The following FBXW7 variants were observed in gnomAD, a reference collection of about 807,000 sequenced individuals.
FBXW7 encodes F-box and WD repeat domain containing 7, also known as F-box/WD repeat-containing protein 7.
Under a neutral mutation model 86.3 loss-of-function variants are expected in FBXW7, and 11 were observed. That is an observed-to-expected ratio of 0.13 (90% confidence interval 0.08 to 0.21). The LOEUF (loss-of-function observed/expected upper bound fraction) is 0.21. Among genes scored for constraint, FBXW7 ranks in the 10% least tolerant of loss-of-function variants. The pLI, the probability that FBXW7 is intolerant of heterozygous loss-of-function variation, is 1.00. For synonymous variants in FBXW7, 313 were observed against 297.9 expected, an observed-to-expected ratio of 1.05 and a Z score of -0.52; for missense variants, 488 against 847.4, an observed-to-expected ratio of 0.58 and a Z score of 5.27.
At chr4:152,490,987 T>C (rs1361796621) in intron 2 of FBXW7, among the ~76,000 whole-genome samples, 4 of 152,156 alleles carry the variant, frequency 2.6e-5, no homozygotes, top group Admixed American at 2.6e-4. Flanking sequence ...AGAGGTGATT[T>C]AGAATATTCT....
At chr4:152,437,722 G>C (rs1019235731) in intron 2 of FBXW7, among the ~76,000 whole-genome samples, 4 of 152,150 alleles carry the variant, frequency 2.6e-5, no homozygotes, top group African/African-American at 7.2e-5. Context: ...AATCAATGCA[G>C]CAAACTTCAT....
intron 2 of FBXW7, among the ~76,000 whole-genome samples, chr4:152,490,804 C>T (rs891778948): frequency 4.6e-5 from 7 of 152,122 alleles, no homozygotes; most frequent in Non-Finnish European, 8.8e-5. Flanking sequence ...TTTTTTCTAT[C>T]TTTATTACTT....
chr4:152,387,526 C>T (rs1438931073), intron 4 of FBXW7, among the ~76,000 whole-genome samples: 1 of 146,704 alleles, frequency 6.8e-6, no homozygotes, highest in African/African-American at 2.5e-5. Flanking sequence ...ACAATTTAAA[C>T]ACAGAGGAAA....
intron 4 of FBXW7, among the ~76,000 whole-genome samples, chr4:152,391,428 A>G (rs1434706113): frequency 2.0e-5 from 3 of 152,164 alleles, no homozygotes; most frequent in African/African-American, 4.8e-5. Flanking sequence ...GTAAAACACT[A>G]ACTGGCTATC....
At chr4:152,430,025 G>A (rs1172335733) in intron 2 of FBXW7, among the ~76,000 whole-genome samples, 1 of 152,106 alleles carries the variant, frequency 6.6e-6, no homozygotes, top group African/African-American at 2.4e-5. Flanking sequence ...TGTGCAAGAG[G>A]AATAACTTCA....
chr4:152,328,055 C>T (rs1430497924), intron 11 of FBXW7, among the ~76,000 whole-genome samples, 153 bp downstream of exon 11: 1 of 151,846 alleles, frequency 6.6e-6, no homozygotes, highest in Non-Finnish European at 1.5e-5. Context: ...AGACAAAACG[C>T]TATGGCTTTC....
intron 2 of FBXW7, among the ~76,000 whole-genome samples, chr4:152,504,297 C>T (rs6535851): frequency 0.47 from 71,044 of 151,918 alleles, 19,554 homozygotes; most frequent in African/African-American, 0.77. Flanking sequence ...ATAACACAAA[C>T]CAATAAAAAA....
In FBXW7 at chr4:152,352,841, C is replaced by T. The variant is rs36111552; in HGVS notation, c.502-2717G>A. Reference sequence around the variant, plus strand: ...AAGCCTTGACTGAACAGATTCCTCCCTCAGCAGCAGAGGGATCAGATTACA... The same window carrying T: ...AAGCCTTGACTGAACAGATTCCTCCTTCAGCAGCAGAGGGATCAGATTACA... On this transcript the variant is annotated intron_variant, in intron 4 of 13. Coordinates refer to ENST00000281708, the MANE Select transcript of FBXW7 (RefSeq NM_001349798.2). The T allele has an allele frequency of 1.8e-4, 266 of 1,517,926 alleles. No homozygotes were observed. The African/African-American group carries it at 3.4e-3, about 19-fold the overall frequency. The allele number at this position is 1,517,926 out of a possible 1,614,324, so 94.0% of individuals were successfully genotyped here. A position where few individuals can be genotyped will look rare whatever the true frequency, so the allele number is the denominator to read the frequency against.
At chr4:152,435,609 T>A (rs1293565031) in intron 2 of FBXW7, among the ~76,000 whole-genome samples, 1 of 152,236 alleles carries the variant, frequency 6.6e-6, no homozygotes, top group South Asian at 2.1e-4. Flanking sequence ...ATTAGCAAGT[T>A]GTAGATATAA....
At chr4:152,507,571 T>C (rs1304571115) in intron 2 of FBXW7, among the ~76,000 whole-genome samples, 1 of 152,206 alleles carries the variant, frequency 6.6e-6, no homozygotes, top group Non-Finnish European at 1.5e-5. Context: ...GTCCAGATCA[T>C]CTAACACGGT....
At chr4:152,378,461 T>C (rs75183936) in intron 4 of FBXW7, among the ~76,000 whole-genome samples, 2,083 of 152,276 alleles carry the variant, frequency 0.014, 26 homozygotes, top group Middle Eastern at 0.037. Context: ...CTGATGCCTA[T>C]GCTACACAAA....
chr4:152,328,854 G>A (rs1309358131), intron 10 of FBXW7: 1 of 152,144 alleles, frequency 6.6e-6, no homozygotes, highest in Non-Finnish European at 1.5e-5. Context: ...TTCTAGACAA[G>A]TAAAGACAGA....
chr4:152,446,311 C>G (rs1741385246), intron 2 of FBXW7, among the ~76,000 whole-genome samples: 1 of 136,810 alleles, frequency 7.3e-6, no homozygotes, highest in Non-Finnish European at 1.6e-5. Flanking sequence ...GTTACCCACC[C>G]ACCCCCCCAA....
chr4:152,352,864 A>C, intron 4 of FBXW7: 1 of 1,477,266 alleles, frequency 6.8e-7, no homozygotes, highest in Non-Finnish European at 8.9e-7. Flanking sequence ...GGATCAGATT[A>C]CATCTTCCCT....
chr4:152,449,648 A>G (rs191505261), intron 2 of FBXW7, among the ~76,000 whole-genome samples: 1 of 152,346 alleles, frequency 6.6e-6, no homozygotes, highest in East Asian at 1.9e-4. Context: ...TCTCCCACTT[A>G]CTTGTCTGCA....
intron 2 of FBXW7, among the ~76,000 whole-genome samples, chr4:152,514,407 T>C (rs1400461364): frequency 6.6e-6 from 1 of 152,170 alleles, no homozygotes; most frequent in Admixed American, 6.5e-5. Flanking sequence ...ACTCATACTG[T>C]AATATGAATT....
At chr4:152,458,177 G>A (rs895498908) in intron 2 of FBXW7, among the ~76,000 whole-genome samples, 6 of 151,852 alleles carry the variant, frequency 4.0e-5, no homozygotes, top group Non-Finnish European at 7.4e-5. Context: ...GCACCACCAC[G>A]CGCAGCTAAT....
At chr4:152,534,709 T>C (rs914177787) in intron 2 of FBXW7, among the ~76,000 whole-genome samples, 1 of 152,178 alleles carries the variant, frequency 6.6e-6, no homozygotes, top group Non-Finnish European at 1.5e-5. Context: ...AGTATTCACT[T>C]TGGAGAAAAG....
At chr4:152,371,846 T>A (rs1734032822) in intron 4 of FBXW7, among the ~76,000 whole-genome samples, 1 of 152,022 alleles carries the variant, frequency 6.6e-6, no homozygotes. Flanking sequence ...AATTTTGATA[T>A]GTGACCATGA....
Sources: allele counts gnomAD v4.1 joint callset (sites outside exome capture counted in the v4.1 genomes callset), GRCh38; gene constraint gnomAD v4.1.1; transcripts MANE v1.5; gene names NCBI Gene and HGNC (gene_info 2026-07-23, HGNC 2026-07-21).